RTL4: variants seen among roughly 807,000 people sequenced by gnomAD.
The protein encoded by RTL4 is retrotransposon Gag-like protein 4.
A neutral mutation model predicts 5.3 loss-of-function variants in RTL4; 4 were observed. The ratio of observed to expected loss-of-function variants is 0.75; its 90% CI spans 0.37 to 1.72. The LOEUF (loss-of-function observed/expected upper bound fraction) is 1.72. Among genes scored for constraint, RTL4 ranks in the 40% most tolerant of loss-of-function variants. The pLI is 0.04. For synonymous variants in RTL4, 98 were observed against 87.3 expected, an observed-to-expected ratio of 1.12 and a Z score of -0.68; for missense variants, 260 against 227.1, an observed-to-expected ratio of 1.14 and a Z score of -0.93.
the RTL4 span, among the ~76,000 whole-genome samples, chrX:112,442,208 C>A: frequency 5.5e-5 from 6 of 109,361 alleles, no homozygotes; most frequent in African/African-American, 2.0e-4. Flanking sequence ...CAGATGTATA[C>A]ATTTGTCAAA....
At chrX:112,246,416 T>G in the RTL4 span, among the ~76,000 whole-genome samples, 3 of 111,773 alleles carry the variant, frequency 2.7e-5, no homozygotes, top group African/African-American at 9.8e-5. Context: ...TACTCAAGCT[T>G]CAGCAATGGC....
At chrX:112,403,161 C>T in the RTL4 span, among the ~76,000 whole-genome samples, 1 of 111,188 alleles carries the variant, frequency 9.0e-6, no homozygotes, top group Admixed American at 9.6e-5. Context: ...CAACCATTGC[C>T]CGTTTCCCTA....
the RTL4 span, among the ~76,000 whole-genome samples, chrX:112,255,331 A>T: frequency 1.1e-4 from 12 of 112,074 alleles, no homozygotes; most frequent in Non-Finnish European, 2.3e-4. Flanking sequence ...TTTAGAAAGA[A>T]CATTCTGGCT....
At chrX:112,150,297 C>G in the RTL4 span, among the ~76,000 whole-genome samples, 1 of 111,348 alleles carries the variant, frequency 9.0e-6, no homozygotes, top group African/African-American at 3.3e-5. Context: ...CTGGAAAGAG[C>G]AGAGGGAATG....
At chrX:112,321,547 A>C in the RTL4 span, among the ~76,000 whole-genome samples, 1 of 108,080 alleles carries the variant, frequency 9.3e-6, no homozygotes, top group Admixed American at 9.8e-5. Context: ...AAAAAAAAAA[A>C]AAAGAAAGAA....
the RTL4 span, among the ~76,000 whole-genome samples, chrX:112,178,652 A>T: frequency 8.0e-5 from 9 of 112,110 alleles, no homozygotes; most frequent in South Asian, 1.1e-3. Flanking sequence ...ATTGTCAGGT[A>T]TCACAGATAC....
the RTL4 span, among the ~76,000 whole-genome samples, chrX:112,099,614 G>A: frequency 0.15 from 16,338 of 110,824 alleles, 1,758 homozygotes; most frequent in African/African-American, 0.37. Flanking sequence ...GTAGGATATA[G>A]AGTAGGAGAG....
At chrX:112,283,196 T>C in the RTL4 span, among the ~76,000 whole-genome samples, 4 of 111,421 alleles carry the variant, frequency 3.6e-5, no homozygotes, top group African/African-American at 1.3e-4. Context: ...TAACAAAATA[T>C]TGTTGTTCTT....
chrX:112,364,794 A>G, the RTL4 span, among the ~76,000 whole-genome samples: 1 of 112,151 alleles, frequency 8.9e-6, no homozygotes. Flanking sequence ...CAAAGTCTGG[A>G]TTTTCCATTG....
chrX:112,299,062 G>A, the RTL4 span, among the ~76,000 whole-genome samples: 3 of 112,002 alleles, frequency 2.7e-5, no homozygotes, highest in African/African-American at 9.7e-5. Context: ...TTAAACACTG[G>A]TATTTCAGTT....
chrX:112,345,903 GA>G, the RTL4 span, among the ~76,000 whole-genome samples: 1 of 111,379 alleles, frequency 9.0e-6, no homozygotes, highest in Non-Finnish European at 1.9e-5. Context: ...ACCAAGACAG[GA>G]ATTTGATTTA....
the RTL4 span, among the ~76,000 whole-genome samples, chrX:112,429,845 T>G: frequency 3.6e-5 from 4 of 111,304 alleles, no homozygotes; most frequent in Non-Finnish European, 5.7e-5. Flanking sequence ...AGTTTTCTGT[T>G]AACATCTTAA....
the RTL4 span, among the ~76,000 whole-genome samples, chrX:112,236,430 TATAG>T: frequency 2.5e-5 from 2 of 79,973 alleles, no homozygotes; most frequent in African/African-American, 1.1e-4. Context: ...TATATATAGA[TATAG>T]ATCTATATCT....
At chrX:112,420,491 A>G in the RTL4 span, among the ~76,000 whole-genome samples, 3 of 111,842 alleles carry the variant, frequency 2.7e-5, no homozygotes, top group Non-Finnish European at 5.6e-5. Context: ...GTAATATGTT[A>G]GGCAGTGCAC....
At chrX:112,337,640 A>G in the RTL4 span, among the ~76,000 whole-genome samples, 1 of 111,406 alleles carries the variant, frequency 9.0e-6, no homozygotes, top group African/African-American at 3.3e-5. Flanking sequence ...ATTTCCTTCA[A>G]TGCTCTTATT....
At chrX:112,390,587 G>T in the RTL4 span, among the ~76,000 whole-genome samples, 2 of 110,762 alleles carry the variant, frequency 1.8e-5, no homozygotes, top group African/African-American at 6.6e-5. Flanking sequence ...ATTTTCAGTT[G>T]AAGATTTTTT....
At chrX:112,257,423 A>G in the RTL4 span, among the ~76,000 whole-genome samples, 1 of 110,978 alleles carries the variant, frequency 9.0e-6, no homozygotes, top group Non-Finnish European at 1.9e-5. Flanking sequence ...CATTTTACTT[A>G]TGTCCTTTTC....
the RTL4 span, among the ~76,000 whole-genome samples, chrX:112,343,523 T>C: frequency 8.9e-6 from 1 of 112,569 alleles, no homozygotes; most frequent in Non-Finnish European, 1.9e-5. Flanking sequence ...CATAGTCAAG[T>C]TGTTTGGAGA....
chrX:112,201,991 G>C, the RTL4 span, among the ~76,000 whole-genome samples: 2 of 110,478 alleles, frequency 1.8e-5, no homozygotes, highest in Admixed American at 1.9e-4. Context: ...GTGTGTGTGT[G>C]TGTGTGTGTT....
Sources: allele counts gnomAD v4.1 joint callset (sites outside exome capture counted in the v4.1 genomes callset), GRCh38; gene constraint gnomAD v4.1.1; transcripts MANE v1.5; gene names NCBI Gene and HGNC (gene_info 2026-07-23, HGNC 2026-07-21).